The following OR2T6 variants were observed in gnomAD, a reference collection of about 807,000 sequenced individuals.
OR2T6 encodes the protein olfactory receptor 2T6.
For synonymous variants in OR2T6, 174 were observed against 148.0 expected, an observed-to-expected ratio of 1.18 and a Z score of -1.27; for missense variants, 424 against 391.6, an observed-to-expected ratio of 1.08 and a Z score of -0.70.
At chr1:248,377,308 C>A (rs1250204874) in intron 1 of OR2T6, among the ~76,000 whole-genome samples, 4 of 152,198 alleles carry the variant, frequency 2.6e-5, no homozygotes, top group Non-Finnish European at 4.4e-5. Flanking sequence ...CAAAGCAAAT[C>A]TTCTGTCATT....
Position 248,389,220 on chromosome 1 carries a change from A to T in OR2T6, c.*685A>T, listed in dbSNP as rs1661208999. ...GTAACTAACTGTTACATTGGAAGAC[A>T]CAGCAAAAGGTAGTTGAGAAAGAAA... On this transcript the variant is annotated 3_prime_UTR_variant, in exon 3 of 3. Coordinates refer to ENST00000641644, the MANE Select transcript of OR2T6 (RefSeq NM_001005471.2). 6.6e-6 allele frequency: 1 copy of T among 152,064 alleles called. No individual in the cohort carries two copies. Among genetic ancestry groups the T allele is most frequent in the Non-Finnish European group, 1.5e-5 (1 of 68,030 alleles). 9.4% of individuals were successfully genotyped at this position (152,064 alleles called of 1,614,324 possible).
chr1:248,388,818 A>G lies in OR2T6; in HGVS notation c.*283A>G. On this transcript the variant is annotated 3_prime_UTR_variant, in exon 3 of 3. Coordinates refer to ENST00000641644, the MANE Select transcript of OR2T6 (RefSeq NM_001005471.2). ...TCTCTCATATCACTTCTCTGATTGCAGTTTGTGTATATGAATGCCCCAAAA... is the reference window on the plus strand; with the variant it reads ...TCTCTCATATCACTTCTCTGATTGCGGTTTGTGTATATGAATGCCCCAAAA... 1 of 394,066 alleles carries G rather than the reference A, an allele frequency of 2.5e-6. No individual in the cohort carries two copies. The highest frequency in any genetic ancestry group is 4.5e-6 in the Non-Finnish European group (1 of 221,890). 24.4% of individuals were successfully genotyped at this position (394,066 alleles called of 1,614,324 possible). A position where few individuals can be genotyped will look rare whatever the true frequency, so the allele number is the denominator to read the frequency against.
chr1:248,388,905 G>T lies in OR2T6; in HGVS notation c.*370G>T, dbSNP rs1044286084. On this transcript the variant is annotated 3_prime_UTR_variant, in exon 3 of 3. Coordinates refer to ENST00000641644, the MANE Select transcript of OR2T6 (RefSeq NM_001005471.2). The stretch of plus-strand genomic sequence containing the variant: ...TGGCTCCATAAGAACTGGTGATTTT[G>T]ACTATATTGTTTAAACAATCCATCA... The T allele has an allele frequency of 1.8e-5, 4 of 221,014 alleles. No homozygotes were observed. The highest frequency in any genetic ancestry group is 5.4e-5 in the Admixed American group (1 of 18,372). 13.7% of individuals were successfully genotyped at this position (221,014 alleles called of 1,614,324 possible).
rs1661168665 is a variant in OR2T6 at position 248,387,811 on chromosome 1, T to A, written c.203T>A (p.Val68Asp). Reference protein sequence around the residue: ...PMYFLLSHLSVIDTLYISTIV... With the variant: ...PMYFLLSHLSDIDTLYISTIV... ...TACTTCCTCCTCAGCCACCTCTCCG[T>A]CATTGACACATTATACATCTCCACC... The change falls in exon 3 of 3, where the codon GTC (valine) becomes GAC (aspartate). Residue 68 changes from valine (V) to aspartate (D), a missense_variant. Physicochemically the swap from Val to Asp is radical, Grantham distance 152 (BLOSUM62 -3). Coordinates refer to ENST00000641644, the MANE Select transcript of OR2T6 (RefSeq NM_001005471.2). The A allele has an allele frequency of 6.2e-7, 1 of 1,609,728 alleles. No individual in the cohort carries two copies. The highest frequency in any genetic ancestry group is 1.7e-5 in the Admixed American group (1 of 59,892).
At chr1:248,385,722 TAG>T (rs112493442) in intron 2 of OR2T6, among the ~76,000 whole-genome samples, 215 of 152,336 alleles carry the variant, frequency 1.4e-3, no homozygotes, top group African/African-American at 4.9e-3. Flanking sequence ...ACGTGCTTTT[TAG>T]AGTGTGTCTC....
chr1:248,381,342 T>C (rs1351529623), intron 1 of OR2T6, among the ~76,000 whole-genome samples: 1 of 152,064 alleles, frequency 6.6e-6, no homozygotes, highest in Non-Finnish European at 1.5e-5. Flanking sequence ...TGTTAGATTC[T>C]TCATAATTGT....
At position 248,387,828 on chromosome 1, in the gene OR2T6, A is replaced by ATC; in HGVS notation, c.223_224dup (p.Thr76ProfsTer9). 6.2e-7 allele frequency: 1 copy of ATC among 1,605,442 alleles called. No homozygotes were observed. Among genetic ancestry groups the ATC allele is most frequent in the Non-Finnish European group, 8.5e-7 (1 of 1,173,490 alleles). On this transcript the variant is annotated frameshift_variant, in exon 3 of 3. Coordinates refer to ENST00000641644, the MANE Select transcript of OR2T6 (RefSeq NM_001005471.2). LOFTEE classifies it low-confidence loss of function (END_TRUNC). ...CCTCTCCGTCATTGACACATTATAC[A>ATC]TCTCCACCATTGTGCCCAAGATGCT...
At position 248,390,209 on chromosome 1, in the gene OR2T6, T is replaced by G. The variant is rs1484224399; in HGVS notation, c.*1674T>G. 6.6e-6 allele frequency: 1 copy of G among 152,230 alleles called. No individual in the cohort carries two copies. Among genetic ancestry groups the G allele is most frequent in the African/African-American group, 2.4e-5 (1 of 41,450 alleles). The allele number at this position is 152,230 out of a possible 1,614,324, so 9.4% of individuals were successfully genotyped here. A position where few individuals can be genotyped will look rare whatever the true frequency, so the allele number is the denominator to read the frequency against. ...ATAAAGTCTTTTTCTAAGATGGAGT[T>G]GGCTACGTCAAGGGTGTTCTATACA... On this transcript the variant is annotated 3_prime_UTR_variant, in exon 3 of 3. Transcript: ENST00000641644.
At chr1:248,387,357 G>A (rs191594725) in intron 2 of OR2T6, among the ~76,000 whole-genome samples, 3 of 152,262 alleles carry the variant, frequency 2.0e-5, no homozygotes, top group Non-Finnish European at 2.9e-5. Context: ...ACTCCCTTAA[G>A]CCAAGTATCA....
chr1:248,384,950 C>T (rs1315286585), intron 2 of OR2T6, 86 bp downstream of exon 2: 2 of 152,208 alleles, frequency 1.3e-5, no homozygotes, highest in African/African-American at 4.8e-5. Context: ...TTCTTGTTAG[C>T]TAGCATTTTT....
chr1:248,388,825 GT>G lies in OR2T6; in HGVS notation c.*291del, dbSNP rs1362554823. 1 of 378,312 alleles carries G rather than the reference GT, an allele frequency of 2.6e-6. No individual in the cohort carries two copies. The highest frequency in any genetic ancestry group is 4.1e-5 in the Admixed American group (1 of 24,428). The allele number at this position is 378,312 out of a possible 1,614,324, so 23.4% of individuals were successfully genotyped here. The stretch of plus-strand genomic sequence containing the variant: ...TATCACTTCTCTGATTGCAGTTTGT[GT>G]ATATGAATGCCCCAAAATGTTGAGT... On this transcript the variant is annotated 3_prime_UTR_variant, in exon 3 of 3. Coordinates refer to ENST00000641644, the MANE Select transcript of OR2T6 (RefSeq NM_001005471.2).
At chr1:248,377,729 G>A (rs1199965901) in intron 1 of OR2T6, among the ~76,000 whole-genome samples, 1 of 152,202 alleles carries the variant, frequency 6.6e-6, no homozygotes, top group Non-Finnish European at 1.5e-5. Flanking sequence ...ATTCACGGAT[G>A]CTCTGGTAAA....
At chr1:248,385,449 C>T (rs28555620) in intron 2 of OR2T6, among the ~76,000 whole-genome samples, 60,585 of 152,070 alleles carry the variant, frequency 0.4, 14,336 homozygotes, top group Non-Finnish European at 0.53. Context: ...TTGATAGTCA[C>T]TGTTTAATCT....
In OR2T6 at chr1:248,388,368, G is replaced by C; in HGVS notation, c.760G>C (p.Ala254Pro). ...GATGGTGGTGACATTGTTCTATGGGGCTGCCTTGTATACGTATACGCTTCC... is the reference window on the plus strand; with the variant it reads ...GATGGTGGTGACATTGTTCTATGGGCCTGCCTTGTATACGTATACGCTTCC... ...HMMVVTLFYG[A>P]ALYTYTLPQS... is the part of the protein sequence containing the mutation. Residue 254 changes from alanine (A) to proline (P), a missense_variant, in exon 3 of 3, where the codon GCT becomes CCT. Transcript: ENST00000641644. 6.2e-7 allele frequency: 1 copy of C among 1,613,404 alleles called. No individual in the cohort carries two copies.
rs1029110488 is a variant in OR2T6, at chr1:248,387,678, T to C, written c.70T>C (p.Ser24Pro). 4.3e-6 allele frequency: 7 copies of C among 1,613,574 alleles called. No individual in the cohort carries two copies. The African/African-American group carries it at 9.3e-5, about 22-fold the overall frequency. Residue 24 changes from serine (S) to proline (P), a missense_variant, in exon 3 of 3, where the codon TCA becomes CCA. Ser to Pro is a moderately conservative substitution (Grantham distance 74). Transcript: ENST00000641644. ...LMGLFTHNKCSGFFFGVICAV... is the reference protein window; with the variant it reads ...LMGLFTHNKCPGFFFGVICAV... The stretch of plus-strand genomic sequence containing the variant: ...GGGGCTCTTCACTCACAATAAATGC[T>C]CAGGATTCTTTTTCGGTGTCATTTG...
rs61736246 is a variant in OR2T6, at chr1:248,387,873, G to T, written c.265G>T (p.Glu89Ter). 1 of 1,596,512 alleles carries T rather than the reference G, an allele frequency of 6.3e-7. No individual in the cohort carries two copies. Residue 89 changes from glutamate to a stop codon, truncating the protein, a stop_gained, in exon 3 of 3, where the codon GAG becomes TAG. Transcript: ENST00000641644. LOFTEE classifies it low-confidence loss of function (END_TRUNC). ...GATGCTGGTAGATTATCTCATGGGC[G>T]AGGGGACCATCTCTTTCATCGCCTG... Reference protein sequence around the residue: ...PKMLVDYLMGEGTISFIACTA... With the variant: ...PKMLVDYLMG
chr1:248,386,257 G>A lies in OR2T6; in HGVS notation c.-4-1348G>A, dbSNP rs1661134758. On this transcript the variant is annotated intron_variant, in intron 2 of 2. Coordinates refer to ENST00000641644, the MANE Select transcript of OR2T6 (RefSeq NM_001005471.2). ...TAAAAGATATTCTTATATTCATCGT[G>A]TATTCAAGATGTGAATGCACCACCC... Among the ~76,000 whole-genome samples, 2 of 152,174 alleles carry A rather than the reference G, an allele frequency of 1.3e-5. 1 individual carries two copies. The highest frequency in any genetic ancestry group is 4.1e-4 in the South Asian group (2 of 4,830).
chr1:248,377,133 C>T (rs1348132485), intron 1 of OR2T6, among the ~76,000 whole-genome samples: 2 of 152,172 alleles, frequency 1.3e-5, no homozygotes, highest in Admixed American at 6.5e-5. Context: ...AAAGCACGGG[C>T]ATAACACTTC....
chr1:248,390,581 G>A lies in OR2T6; in HGVS notation c.*2046G>A, dbSNP rs955662372. On this transcript the variant is annotated 3_prime_UTR_variant, in exon 3 of 3. Transcript: ENST00000641644. Reference sequence around the variant, plus strand: ...AATAGACCAGGTCTTGCCTAACAGAGCAGGGTTTTCAGTTGAAATCCAGGA... The same window carrying A: ...AATAGACCAGGTCTTGCCTAACAGAACAGGGTTTTCAGTTGAAATCCAGGA... 1 of 152,222 alleles carries A rather than the reference G, an allele frequency of 6.6e-6. No homozygotes were observed. Among genetic ancestry groups the A allele is most frequent in the Admixed American group, 6.5e-5 (1 of 15,274 alleles). The allele number at this position is 152,222 out of a possible 1,614,324, so 9.4% of individuals were successfully genotyped here. A position where few individuals can be genotyped will look rare whatever the true frequency, so the allele number is the denominator to read the frequency against.
Sources: gnomAD v4.1 joint callset for allele counts (sites outside exome capture counted in the v4.1 genomes callset) on GRCh38, gnomAD v4.1.1 for gene constraint, MANE v1.5 for transcripts, NCBI Gene and HGNC (gene_info 2026-07-23, HGNC 2026-07-21) for gene names.